The following SFMBT1 variants were observed in gnomAD, a reference collection of about 807,000 sequenced individuals.
SFMBT1 encodes Scm like with four mbt domains 1.
In SFMBT1, 32 loss-of-function variants were observed where a neutral mutation model predicts 108.7. The ratio of observed to expected loss-of-function variants is 0.29; its 90% CI spans 0.22 to 0.40. The LOEUF (loss-of-function observed/expected upper bound fraction) is 0.40, where lower values mean the gene tolerates loss of function less well. Ranked by LOEUF, SFMBT1 falls within the 10% of genes least tolerant of loss-of-function variation. The probability of loss-of-function intolerance (pLI) is 1.00; values close to 1 mark genes in which losing one functional copy is unlikely to be tolerated. For missense variants in SFMBT1, 816 were observed against 1,059.6 expected (o/e 0.77, Z 3.19); for synonymous variants, 348 against 369.5 (o/e 0.94, Z 0.67).
At chr3:53,010,798 A>C (rs932030851) in intron 1 of SFMBT1, among the ~76,000 whole-genome samples, 11 of 152,254 alleles carry the variant, frequency 7.2e-5, no homozygotes, top group African/African-American at 2.2e-4. Context: ...TTTTAATTCC[A>C]CAATATTTGT....
intron 1 of SFMBT1, among the ~76,000 whole-genome samples, chr3:52,977,443 G>A (rs1704555644): frequency 1.3e-5 from 2 of 152,056 alleles, no homozygotes; most frequent in East Asian, 1.9e-4. Flanking sequence ...CCCAGGAGGC[G>A]GAGGTTGCAG....
intron 1 of SFMBT1, among the ~76,000 whole-genome samples, chr3:52,982,098 T>C (rs937258985): frequency 1.3e-5 from 2 of 152,152 alleles, no homozygotes; most frequent in African/African-American, 4.8e-5. Flanking sequence ...GGCGTCTACT[T>C]GCTCCCAAAC....
At chr3:52,921,600 C>A in intron 11 of SFMBT1, 105 bp downstream of exon 11, 1 of 1,221,488 alleles carries the variant, frequency 8.2e-7, no homozygotes, top group Non-Finnish European at 1.1e-6. Flanking sequence ...TGAACAAGAT[C>A]CCTATTTAAC....
In SFMBT1 at chr3:53,008,279, G is replaced by C. The variant is rs190072816; in HGVS notation, c.-131+37537C>G. ...ATACACACACTAGGGTAATTCCAGA[G>C]TGATGGAGCATCAGGCGGACAACTC... On this transcript the variant is annotated intron_variant, in intron 1 of 20. Transcript: ENST00000394752. 1.9e-3 allele frequency among the ~76,000 whole-genome samples: 296 copies of C among 152,330 alleles called. 7 individuals are homozygous for C. Among genetic ancestry groups the C allele is most frequent in the Admixed American group, 0.015 (234 of 15,286 alleles).
intron 1 of SFMBT1, among the ~76,000 whole-genome samples, chr3:53,034,498 T>C (rs1048320706): frequency 3.3e-5 from 5 of 151,996 alleles, no homozygotes; most frequent in African/African-American, 1.2e-4. Flanking sequence ...GGAGAATCAC[T>C]TGAACCAGGA....
At chr3:52,987,512 C>T (rs1404328336) in intron 1 of SFMBT1, among the ~76,000 whole-genome samples, 1 of 152,152 alleles carries the variant, frequency 6.6e-6, no homozygotes, top group East Asian at 1.9e-4. Context: ...GACTGAAACA[C>T]CATCATGCCA....
intron 2 of SFMBT1, among the ~76,000 whole-genome samples, chr3:52,961,213 G>A (rs1221637829): frequency 2.6e-5 from 4 of 152,096 alleles, no homozygotes; most frequent in Non-Finnish European, 1.5e-5. Flanking sequence ...CGTCACAAAA[G>A]ACAAATGGAT....
rs553252592 is a variant in SFMBT1, at chr3:52,904,831, G to C, written c.*305C>G. On this transcript the variant is annotated 3_prime_UTR_variant, in exon 21 of 21. Transcript: ENST00000394752. ...TTTCCAGCAGCCTAGGTTATTCTTT[G>C]TTTTCAGGCCACACCACTGGAAATG... The C allele has an allele frequency of 4.9e-5, 12 of 242,840 alleles. No individual in the cohort carries two copies. The highest frequency in any genetic ancestry group is 8.7e-5 in the Non-Finnish European group (11 of 127,058). The allele number at this position is 242,840 out of a possible 1,614,324, so 15.0% of individuals were successfully genotyped here. A position where few individuals can be genotyped will look rare whatever the true frequency, so the allele number is the denominator to read the frequency against.
chr3:52,968,812 C>G (rs912433562), intron 2 of SFMBT1, among the ~76,000 whole-genome samples: 6 of 152,074 alleles, frequency 3.9e-5, no homozygotes, highest in Non-Finnish European at 8.8e-5. Context: ...CCAGGATGGT[C>G]TCGATCTCCT....
At chr3:52,982,753 A>AAAAAAAAAAAAAAAAAC (rs1704759008) in intron 1 of SFMBT1, among the ~76,000 whole-genome samples, 1 of 144,670 alleles carries the variant, frequency 6.9e-6, no homozygotes, top group Admixed American at 7.1e-5. Flanking sequence ...AAAAAAAAAA[A>AAAAAAAAAAAAAAAAAC]GATATAGATC....
intron 1 of SFMBT1, among the ~76,000 whole-genome samples, chr3:53,006,482 A>G (rs1408543625): frequency 6.6e-6 from 1 of 152,122 alleles, no homozygotes; most frequent in Non-Finnish European, 1.5e-5. Flanking sequence ...TAGAAAAATC[A>G]GCCGGGCGTG....
chr3:52,915,111 G>GC (rs1702312327), intron 14 of SFMBT1, among the ~76,000 whole-genome samples: 1 of 152,164 alleles, frequency 6.6e-6, no homozygotes, highest in Non-Finnish European at 1.5e-5. Context: ...TGTTGCAACT[G>GC]CATCATGGTT....
chr3:52,981,920 A>AAGGAC (rs1188381389), intron 1 of SFMBT1, among the ~76,000 whole-genome samples: 1 of 152,202 alleles, frequency 6.6e-6, no homozygotes, highest in Non-Finnish European at 1.5e-5. Flanking sequence ...GGCCTGGACA[A>AAGGAC]AAAGAACCCT....
chr3:52,930,217 C>T, intron 8 of SFMBT1, 112 bp downstream of exon 8: 1 of 695,618 alleles, frequency 1.4e-6, no homozygotes, highest in Non-Finnish European at 2.6e-6. Flanking sequence ...GCTGCACGGC[C>T]TAGAAGGAAA....
chr3:52,943,357 T>C lies in SFMBT1; in HGVS notation c.360A>G (p.Pro120=), dbSNP rs141561451. Residue 120 remains proline (P), a synonymous_variant, in exon 4 of 21, where the codon CCA becomes CCG. Transcript: ENST00000394752. The part of the protein sequence containing the change: ...CEQNKKTLEA[P]EGIRDKVSDW... ...TGATAGGAAGTATTTCATTACCTTC[T>C]GGGGCTTCAAGGGTCTTCTTATTCT... is the stretch of plus-strand genomic sequence containing the variant. 2,032 of 1,614,182 alleles carry C rather than the reference T, an allele frequency of 1.3e-3. 3 individuals carry two copies. Among genetic ancestry groups the C allele is most frequent in the Non-Finnish European group, 1.5e-3 (1,821 of 1,180,010 alleles).
chr3:53,012,024 A>G (rs1698960760), intron 1 of SFMBT1, among the ~76,000 whole-genome samples: 1 of 152,248 alleles, frequency 6.6e-6, no homozygotes. Context: ...CTTTTTAAGT[A>G]TCTATGTGCC....
chr3:53,029,724 C>T (rs1383563624), intron 1 of SFMBT1, among the ~76,000 whole-genome samples: 1 of 152,198 alleles, frequency 6.6e-6, no homozygotes, highest in Non-Finnish European at 1.5e-5. Flanking sequence ...CTGAAGACAT[C>T]TTCAGATGCT....
intron 3 of SFMBT1, among the ~76,000 whole-genome samples, chr3:52,946,776 C>CTTTT (rs34235258): frequency 4.8e-5 from 7 of 145,228 alleles, no homozygotes; most frequent in South Asian, 2.1e-4. Context: ...TGCTCCATTC[C>CTTTT]TTTTTTTTTT....
At chr3:53,020,390 AAAAC>A (rs929821154) in intron 1 of SFMBT1, among the ~76,000 whole-genome samples, 10 of 152,168 alleles carry the variant, frequency 6.6e-5, no homozygotes, top group Non-Finnish European at 1.3e-4. Context: ...ACTCCATCTC[AAAAC>A]AAACAAACAA....
Sources: allele counts gnomAD v4.1 joint callset (sites outside exome capture counted in the v4.1 genomes callset), GRCh38; gene constraint gnomAD v4.1.1; transcripts MANE v1.5; gene names NCBI Gene and HGNC (gene_info 2026-07-23, HGNC 2026-07-21).